NRXN1: variants seen among roughly 807,000 people sequenced by gnomAD.
NRXN1 encodes the protein neurexin 1, also known as neurexin-1.
A neutral mutation model predicts 150.9 loss-of-function variants in NRXN1; 39 were observed. That is an observed-to-expected ratio of 0.26 (90% CI 0.20 to 0.34). The LOEUF is 0.34. Ranked by LOEUF, NRXN1 falls within the 10% of genes least tolerant of loss-of-function variation. The pLI is 1.00. For missense variants in NRXN1, 1,815 were observed against 1,949.9 expected (o/e 0.93, Z 1.30); for synonymous variants, 924 against 757.0 (o/e 1.22, Z -3.62).
chr2:50,059,377 G>T (rs561316960), intron 19 of NRXN1, among the ~76,000 whole-genome samples: 17 of 152,258 alleles, frequency 1.1e-4, no homozygotes, highest in African/African-American at 1.7e-4. Flanking sequence ...GCTCTTAAAA[G>T]CATTCAGTTT....
At chr2:49,922,681 G>C (rs1269726546) in intron 22 of NRXN1, among the ~76,000 whole-genome samples, 2 of 152,042 alleles carry the variant, frequency 1.3e-5, no homozygotes, top group Non-Finnish European at 2.9e-5. Flanking sequence ...GACTGAATCA[G>C]GACAACTAAA....
chr2:49,944,290 TTAGA>T (rs1047527223), intron 21 of NRXN1, among the ~76,000 whole-genome samples: 4 of 152,322 alleles, frequency 2.6e-5, no homozygotes, highest in African/African-American at 9.6e-5. Context: ...AAGTAGAGAA[TTAGA>T]TAGCTCTTTC....
At chr2:50,034,594 A>T (rs1044551366) in intron 21 of NRXN1, among the ~76,000 whole-genome samples, 7 of 152,142 alleles carry the variant, frequency 4.6e-5, no homozygotes, top group African/African-American at 1.7e-4. Flanking sequence ...AACCCCCATG[A>T]CACAAGTTTA....
At chr2:50,332,551 G>C (rs2076902637) in intron 17 of NRXN1, among the ~76,000 whole-genome samples, 1 of 152,200 alleles carries the variant, frequency 6.6e-6, no homozygotes, top group Non-Finnish European at 1.5e-5. Context: ...CATCTTGCCA[G>C]CTAGGCATCA....
At chr2:50,071,957 T>C (rs781109436) in intron 19 of NRXN1, among the ~76,000 whole-genome samples, 3 of 152,216 alleles carry the variant, frequency 2.0e-5, no homozygotes, top group Admixed American at 1.3e-4. Flanking sequence ...TACATTACAG[T>C]CCTGGTAATT....
intron 2 of NRXN1, among the ~76,000 whole-genome samples, chr2:50,965,471 A>C (rs917096577): frequency 6.6e-6 from 1 of 151,584 alleles, no homozygotes; most frequent in Admixed American, 6.6e-5. Flanking sequence ...TTTAAAAAAA[A>C]TAATAATTTT....
At chr2:50,664,074 A>T (rs1459099902) in intron 5 of NRXN1, among the ~76,000 whole-genome samples, 1 of 152,014 alleles carries the variant, frequency 6.6e-6, no homozygotes, top group East Asian at 1.9e-4. Context: ...GAACAAACAG[A>T]TCCTCTAGGA....
intron 7 of NRXN1, 137 bp downstream of exon 7, chr2:50,621,089 A>G (rs1679931373): frequency 1.5e-6 from 1 of 649,638 alleles, no homozygotes; most frequent in Non-Finnish European, 2.5e-6. Flanking sequence ...AGGAGGTCAA[A>G]GTAAGCAGAA....
chr2:50,255,956 G>C (rs2067659595), intron 17 of NRXN1, among the ~76,000 whole-genome samples: 1 of 152,102 alleles, frequency 6.6e-6, no homozygotes, highest in East Asian at 1.9e-4. Context: ...GAATACTGAA[G>C]TCACAGTCAT....
At chr2:50,437,836 C>G (rs1558731775) in intron 17 of NRXN1, among the ~76,000 whole-genome samples, 1 of 152,110 alleles carries the variant, frequency 6.6e-6, no homozygotes, top group Non-Finnish European at 1.5e-5. Context: ...TGCTTTGCAT[C>G]CTCTGAGCCA....
At chr2:50,469,358 G>C (rs1185311960) in intron 16 of NRXN1, among the ~76,000 whole-genome samples, 2 of 151,810 alleles carry the variant, frequency 1.3e-5, no homozygotes, top group Middle Eastern at 6.8e-3. Context: ...AAGGCAACAA[G>C]TGATTATTTA....
At chr2:50,763,706 A>C (rs1170073711) in intron 5 of NRXN1, among the ~76,000 whole-genome samples, 1 of 151,918 alleles carries the variant, frequency 6.6e-6, no homozygotes, top group East Asian at 1.9e-4. Flanking sequence ...TTTGCCTTGT[A>C]ACTGCCATTG....
chr2:49,990,577 G>A (rs1445563002), intron 21 of NRXN1, among the ~76,000 whole-genome samples: 2 of 152,154 alleles, frequency 1.3e-5, no homozygotes, highest in African/African-American at 4.8e-5. Context: ...CTTGCCACAG[G>A]TATTGGTGGT....
At chr2:49,974,205 GCT>G (rs1558615711) in intron 21 of NRXN1, 1 of 699,732 alleles carries the variant, frequency 1.4e-6, no homozygotes, top group South Asian at 1.5e-5. Context: ...CACAGAAAAC[GCT>G]CTGTCAGTCA....
At position 50,373,671 on chromosome 2, in the gene NRXN1, AAAG is replaced by A. The variant is rs1338775146; in HGVS notation, c.3364+91768_3364+91770del. Among the ~76,000 whole-genome samples, 169 of 98,618 alleles carry A rather than the reference AAAG, an allele frequency of 1.7e-3. 1 individual carries two copies. The highest frequency in any genetic ancestry group is 3.3e-3 in the African/African-American group (65 of 19,826). 64.7% of individuals were successfully genotyped at this position (98,618 alleles called of 152,430 possible). A position where few individuals can be genotyped will look rare whatever the true frequency, so the allele number is the denominator to read the frequency against. On this transcript the variant is annotated intron_variant, in intron 17 of 22. Coordinates refer to ENST00000401669, the MANE Select transcript of NRXN1 (RefSeq NM_001330078.2). ...GAAAGAAAGAAAGAAAGAAAGAAAGAAAGAAAGAAAAGAAAGAAGGAAAGAAAG... is the reference window on the plus strand; with the variant it reads ...GAAAGAAAGAAAGAAAGAAAGAAAGAAAAGAAAAGAAAGAAGGAAAGAAAG...
intron 21 of NRXN1, among the ~76,000 whole-genome samples, chr2:49,960,039 T>C (rs532910916): frequency 6.6e-6 from 1 of 152,316 alleles, no homozygotes; most frequent in Admixed American, 6.5e-5. Flanking sequence ...GTCCCAACCA[T>C]TCCAAAGCAT....
chr2:51,004,777 G>T (rs1700502902), intron 2 of NRXN1, among the ~76,000 whole-genome samples: 1 of 151,936 alleles, frequency 6.6e-6, no homozygotes. Context: ...CCCAGTACTG[G>T]GAGACCACTT....
intron 18 of NRXN1, among the ~76,000 whole-genome samples, chr2:50,156,591 T>G (rs17040018): frequency 0.055 from 8,417 of 151,886 alleles, 846 homozygotes; most frequent in African/African-American, 0.19. Flanking sequence ...AAAATAACAT[T>G]AAGGAGAAAA....
chr2:50,319,759 C>T lies in NRXN1; in HGVS notation c.3365-82789G>A, dbSNP rs114923988. Among the ~76,000 whole-genome samples, 1,163 of 152,074 alleles carry T rather than the reference C, an allele frequency of 7.6e-3. 9 individuals carry two copies. The highest frequency in any genetic ancestry group is 0.014 in the Non-Finnish European group (926 of 68,000). On this transcript the variant is annotated intron_variant, in intron 17 of 22. Transcript: ENST00000401669. ...AAATAATGCAACAAAGACCCCTACGCGAGCTTGCATCCTGTCAAAGAAGCT... is the reference window on the plus strand; with the variant it reads ...AAATAATGCAACAAAGACCCCTACGTGAGCTTGCATCCTGTCAAAGAAGCT...
Sources: allele counts gnomAD v4.1 joint callset (sites outside exome capture counted in the v4.1 genomes callset), GRCh38; gene constraint gnomAD v4.1.1; transcripts MANE v1.5; gene names NCBI Gene and HGNC (gene_info 2026-07-23, HGNC 2026-07-21).